Variants in GALNT17 observed in about 807,000 individuals in gnomAD.
The protein encoded by GALNT17 is UDP-GalNAc:polypeptide N-acetylgalactosaminyltransferase-like 3.
Under a neutral mutation model 63.7 loss-of-function variants are expected in GALNT17, and 29 were observed. The ratio of observed to expected loss-of-function variants is 0.46; its 90% CI spans 0.34 to 0.62. GALNT17 has a LOEUF of 0.62. GALNT17 is among the 20% of genes least tolerant of loss of function. The pLI, the probability that GALNT17 is intolerant of heterozygous loss-of-function variation, is 0.01. For synonymous variants in GALNT17, 305 were observed against 318.3 expected (o/e 0.96, Z 0.45); for missense variants, 603 against 799.6 (o/e 0.75, Z 2.97).
intron 1 of GALNT17, among the ~76,000 whole-genome samples, chr7:71,268,500 A>G (rs1421585561): frequency 6.6e-6 from 1 of 151,658 alleles, no homozygotes; most frequent in African/African-American, 2.4e-5. Flanking sequence ...GCAGTGAGCC[A>G]TGGTAGCACC....
At chr7:71,638,811 T>C (rs1451449536) in intron 6 of GALNT17, among the ~76,000 whole-genome samples, 1 of 152,180 alleles carries the variant, frequency 6.6e-6, no homozygotes, top group East Asian at 1.9e-4. Flanking sequence ...TTCATTATGT[T>C]AAATGAAACA....
intron 5 of GALNT17, among the ~76,000 whole-genome samples, chr7:71,456,310 G>C (rs1486868410): frequency 6.6e-6 from 1 of 152,104 alleles, no homozygotes; most frequent in African/African-American, 2.4e-5. Flanking sequence ...CAAGTATATT[G>C]CGAGAGTCAG....
chr7:71,539,828 G>A (rs1201512847), intron 5 of GALNT17, among the ~76,000 whole-genome samples: 5 of 143,974 alleles, frequency 3.5e-5, no homozygotes, highest in African/African-American at 1.3e-4. Context: ...AGCCTTCCAA[G>A]TAGCTGGGAC....
chr7:71,513,649 G>A (rs1423345054), intron 5 of GALNT17, among the ~76,000 whole-genome samples: 1 of 151,906 alleles, frequency 6.6e-6, no homozygotes, highest in Non-Finnish European at 1.5e-5. Context: ...GCCTCCCAAA[G>A]TGCTGAGTCT....
At chr7:71,537,421 C>T (rs148880223) in intron 5 of GALNT17, among the ~76,000 whole-genome samples, 7 of 152,138 alleles carry the variant, frequency 4.6e-5, no homozygotes, top group South Asian at 4.1e-4. Context: ...AAGTGGGTGG[C>T]GGACGGTTAG....
At chr7:71,313,506 A>T (rs1458569373) in intron 1 of GALNT17, among the ~76,000 whole-genome samples, 1 of 152,236 alleles carries the variant, frequency 6.6e-6, no homozygotes, top group African/African-American at 2.4e-5. Context: ...CAACAAAGAC[A>T]CATGGGCAAA....
At chr7:71,460,636 A>T (rs1369705675) in intron 5 of GALNT17, among the ~76,000 whole-genome samples, 1 of 152,220 alleles carries the variant, frequency 6.6e-6, no homozygotes, top group Non-Finnish European at 1.5e-5. Context: ...AAGCAAGTTT[A>T]TTAAGAGAGT....
intron 1 of GALNT17, among the ~76,000 whole-genome samples, chr7:71,176,091 C>T (rs1788632734): frequency 6.6e-6 from 1 of 151,974 alleles, no homozygotes; most frequent in Admixed American, 6.6e-5. Context: ...ATTTGGAGCA[C>T]CTACGTGTGG....
chr7:71,410,567 G>A (rs757928109), intron 3 of GALNT17, among the ~76,000 whole-genome samples: 1 of 152,208 alleles, frequency 6.6e-6, no homozygotes, highest in Non-Finnish European at 1.5e-5. Flanking sequence ...TTTATAAAGT[G>A]TATAGGGGCA....
intron 2 of GALNT17, among the ~76,000 whole-genome samples, chr7:71,339,076 CA>C (rs1453249094): frequency 6.6e-6 from 1 of 152,176 alleles, no homozygotes; most frequent in Admixed American, 6.5e-5. Context: ...GGCAAATAAA[CA>C]TGGCCCTATT....
At chr7:71,265,996 G>A (rs1790485704) in intron 1 of GALNT17, among the ~76,000 whole-genome samples, 1 of 152,174 alleles carries the variant, frequency 6.6e-6, no homozygotes, top group Non-Finnish European at 1.5e-5. Context: ...AAGGGTGAAT[G>A]TAATTCATTC....
At chr7:71,326,701 T>TAA (rs920679498) in intron 1 of GALNT17, among the ~76,000 whole-genome samples, 5 of 152,190 alleles carry the variant, frequency 3.3e-5, no homozygotes, top group African/African-American at 1.2e-4. Flanking sequence ...TTTGCTGAAT[T>TAA]AAAAAACACT....
At chr7:71,594,993 G>T (rs1184983237) in intron 6 of GALNT17, among the ~76,000 whole-genome samples, 1 of 152,196 alleles carries the variant, frequency 6.6e-6, no homozygotes, top group East Asian at 1.9e-4. Flanking sequence ...TGTGATTCAT[G>T]TTGTGATAAA....
At chr7:71,542,619 C>A (rs560601345) in intron 5 of GALNT17, among the ~76,000 whole-genome samples, 1 of 145,332 alleles carries the variant, frequency 6.9e-6, no homozygotes, top group East Asian at 2.0e-4. Flanking sequence ...TCGCTTGAAC[C>A]GGGGAGGTGG....
intron 2 of GALNT17, among the ~76,000 whole-genome samples, chr7:71,366,032 G>A (rs79113309): frequency 0.014 from 2,175 of 152,246 alleles, 27 homozygotes; most frequent in Middle Eastern, 0.027. Flanking sequence ...TAAGGAGCTC[G>A]CAACCTAGAT....
intron 2 of GALNT17, among the ~76,000 whole-genome samples, chr7:71,360,452 A>G (rs963545962): frequency 2.0e-5 from 3 of 151,840 alleles, no homozygotes; most frequent in Non-Finnish European, 4.4e-5. Context: ...TCCTGGGACT[A>G]TGGATACCGA....
intron 5 of GALNT17, among the ~76,000 whole-genome samples, chr7:71,430,204 A>T (rs545887088): frequency 3.8e-4 from 58 of 152,204 alleles, no homozygotes; most frequent in African/African-American, 1.3e-3. Context: ...TTTGTTATGA[A>T]CTCAGATTTT....
chr7:71,192,531 G>A (rs6969836), intron 1 of GALNT17, among the ~76,000 whole-genome samples: 12,454 of 151,904 alleles, frequency 0.082, 579 homozygotes, highest in East Asian at 0.15. Context: ...AAGTAGCCGG[G>A]ATTACAAGTA....
rs1183468647 is a variant in GALNT17, at chr7:71,421,063, C to G, written c.920C>G (p.Pro307Arg). ...WELWCMYISP[P>R]KDWWDAGDPS... ...CTGTGGTGCATGTACATCAGCCCCC[C>G]AAAAGACTGGTGGGACGCCGGAGAC... The change falls in exon 5 of 11, where the codon CCA (proline) becomes CGA (arginine). Residue 307 changes from proline (P) to arginine (R), a missense_variant. Around this residue, in one of 3 missense-constraint regions of GALNT17, gnomAD observed 336 missense variants for 507.8 expected, o/e 0.66. Transcript: ENST00000333538. The G allele has an allele frequency of 6.2e-7, 1 of 1,614,116 alleles. No individual in the cohort carries two copies. The highest frequency in any genetic ancestry group is 1.1e-5 in the South Asian group (1 of 91,080).
Sources: gnomAD v4.1 joint callset for allele counts (sites outside exome capture counted in the v4.1 genomes callset) on GRCh38, gnomAD v4.1.1 for gene constraint, gnomAD v4.1.1 regional missense constraint, MANE v1.5 for transcripts, NCBI Gene and HGNC (gene_info 2026-07-23, HGNC 2026-07-21) for gene names.